Variants in GNPTAB observed in about 807,000 individuals in gnomAD.
GNPTAB encodes the protein N-acetylglucosamine-1-phosphotransferase subunits alpha/beta.
Under a neutral mutation model 136.6 loss-of-function variants are expected in GNPTAB, and 92 were observed. The observed-to-expected ratio is 0.67, with a 90% CI of 0.57 to 0.80. The LOEUF (loss-of-function observed/expected upper bound fraction) is 0.80, where lower values mean the gene tolerates loss of function less well. Among genes scored for constraint, GNPTAB ranks in the 30% least tolerant of loss-of-function variants. The probability of loss-of-function intolerance (pLI) is 0.00; values close to 1 mark genes in which losing one functional copy is unlikely to be tolerated. For synonymous variants in GNPTAB, 512 were observed against 535.1 expected (o/e 0.96, Z 0.60); for missense variants, 1,343 against 1,501.8 (o/e 0.89, Z 1.75).
At chr12:101,790,613 T>A (rs1244515976) in intron 2 of GNPTAB, among the ~76,000 whole-genome samples, 3 of 151,814 alleles carry the variant, frequency 2.0e-5, no homozygotes, top group Non-Finnish European at 4.4e-5. Context: ...AAAAAATTTT[T>A]AAAATTAGCT....
chr12:101,750,894 T>G (rs1237003906), intron 19 of GNPTAB, among the ~76,000 whole-genome samples: 1 of 152,216 alleles, frequency 6.6e-6, no homozygotes, highest in Non-Finnish European at 1.5e-5. Flanking sequence ...TTTTCTTTAT[T>G]GCCTAGGCTG....
At chr12:101,764,100 C>A in intron 13 of GNPTAB, 102 bp downstream of exon 13, 1 of 1,455,204 alleles carries the variant, frequency 6.9e-7, no homozygotes, top group Admixed American at 1.9e-5. Flanking sequence ...GTTCCATGGC[C>A]GGCACAGGGA....
chr12:101,792,058 C>G (rs1218218076), intron 2 of GNPTAB, among the ~76,000 whole-genome samples: 1 of 152,112 alleles, frequency 6.6e-6, no homozygotes, highest in South Asian at 2.1e-4. Context: ...GAAAGTAAAG[C>G]AGCAAATGGG....
At position 101,764,272 on chromosome 12, in the gene GNPTAB, T is replaced by C; in HGVS notation, c.2645A>G (p.Gln882Arg). 7.4e-6 allele frequency: 12 copies of C among 1,613,992 alleles called. No individual in the cohort carries two copies. Among genetic ancestry groups the C allele is most frequent in the Non-Finnish European group, 9.3e-6 (11 of 1,179,922 alleles). Residue 882 changes from glutamine to arginine, a missense_variant, in exon 13 of 21, where the codon CAG (glutamine) becomes CGG (arginine). Coordinates refer to ENST00000299314, the MANE Select transcript of GNPTAB (RefSeq NM_024312.5). ...GCCCAAGTAACTATCTGTGTAATGC[T>C]GCAGCTTTCTTCCAAGTAACACTTC... ...VTEVLLGRKLQHYTDSYLGFL... is the reference protein window; with the variant it reads ...VTEVLLGRKLRHYTDSYLGFL...
At chr12:101,774,477 A>G (rs1953231269) in intron 7 of GNPTAB, among the ~76,000 whole-genome samples, 1 of 152,222 alleles carries the variant, frequency 6.6e-6, no homozygotes, top group African/African-American at 2.4e-5. Context: ...ATATGTAAGT[A>G]TATATTGGAA....
intron 18 of GNPTAB, 89 bp from the exon 19 acceptor site, chr12:101,753,628 A>G: frequency 9.6e-7 from 1 of 1,040,248 alleles, no homozygotes; most frequent in South Asian, 1.3e-5. Context: ...TATATTTTAA[A>G]TGGACTTATG....
chr12:101,787,577 A>G (rs10860786), intron 4 of GNPTAB, among the ~76,000 whole-genome samples: 20,521 of 152,110 alleles, frequency 0.13, 1,837 homozygotes, highest in East Asian at 0.48. Flanking sequence ...TGTTAATATA[A>G]TTTATAAATA....
At position 101,798,230 on chromosome 12, in the gene GNPTAB, C is replaced by A. The variant is rs1869411687; in HGVS notation, c.118-1468G>T. On this transcript the variant is annotated intron_variant, in intron 1 of 20. Coordinates refer to ENST00000299314, the MANE Select transcript of GNPTAB (RefSeq NM_024312.5). ...TGGAAATGTTTTCTTGGTTTTCCCT[C>A]CTGTCGCCCTGGTGGCTCCTTTTCC... is the stretch of plus-strand genomic sequence containing the variant. 2.6e-5 allele frequency among the ~76,000 whole-genome samples: 4 copies of A among 152,318 alleles called. No homozygotes were observed. The South Asian group carries it at 8.3e-4, about 32-fold the overall frequency.
chr12:101,786,935 C>A (rs1431944851), intron 4 of GNPTAB, among the ~76,000 whole-genome samples: 1 of 152,184 alleles, frequency 6.6e-6, no homozygotes, highest in Non-Finnish European at 1.5e-5. Context: ...TCAATATTAG[C>A]ACAAGTGCAG....
chr12:101,764,069 A>AC (rs1409584242), intron 13 of GNPTAB, 133 bp downstream of exon 13: 5 of 1,149,020 alleles, frequency 4.4e-6, no homozygotes, highest in Non-Finnish European at 3.8e-6. Context: ...ATTAAATGAA[A>AC]CCATGTAAGA....
At chr12:101,781,109 T>A (rs141175430) in intron 5 of GNPTAB, among the ~76,000 whole-genome samples, 1 of 152,270 alleles carries the variant, frequency 6.6e-6, no homozygotes, top group East Asian at 1.9e-4. Flanking sequence ...AGTTTTCTCA[T>A]AATGAATCCC....
At chr12:101,800,604 C>CAAA (rs58129963) in intron 1 of GNPTAB, among the ~76,000 whole-genome samples, 6 of 74,286 alleles carry the variant, frequency 8.1e-5, no homozygotes, top group Non-Finnish European at 1.0e-4. Context: ...ACTAAAAATA[C>CAAA]AAAAAAAAAA....
Position 101,768,052 on chromosome 12 carries a change from C to T in GNPTAB, c.1393G>A (p.Gly465Ser), listed in dbSNP as rs371705651. The change falls in exon 11 of 21, where the codon GGT becomes AGT. Residue 465 changes from glycine (G) to serine (S), a missense_variant. Transcript: ENST00000299314. Reference protein sequence around the residue: ...ACNNSACDWDGGDCSGNSGGS... With the variant: ...ACNNSACDWDSGDCSGNSGGS... Reference sequence around the variant, plus strand: ...ACATCCTTACCAGAGCAATCCCCACCATCCCAATCGCAGGCTGAATTATTA... The same window carrying T: ...ACATCCTTACCAGAGCAATCCCCACTATCCCAATCGCAGGCTGAATTATTA... 13 of 1,614,012 alleles carry T rather than the reference C, an allele frequency of 8.1e-6. No homozygotes were observed. In the African/African-American group the frequency reaches 1.5e-4, roughly 18 times the overall value.
intron 1 of GNPTAB, among the ~76,000 whole-genome samples, chr12:101,827,392 C>T (rs553577967): frequency 1.3e-5 from 2 of 152,186 alleles, no homozygotes; most frequent in African/African-American, 4.8e-5. Flanking sequence ...TGAGCCACCA[C>T]GCCCAGCCTT....
chr12:101,770,829 G>C (rs994923992), intron 8 of GNPTAB, among the ~76,000 whole-genome samples, 167 bp downstream of exon 8: 9 of 152,152 alleles, frequency 5.9e-5, no homozygotes, highest in African/African-American at 2.2e-4. Flanking sequence ...TCTGATTCTA[G>C]GTGACTTCAG....
rs1953000959 is a variant in GNPTAB at position 101,761,754 on chromosome 12, A to C, written c.2725T>G (p.Ser909Ala). ...YFQDLLDEEE[S>A]LKTQLAYFTD... is the part of the protein sequence containing the mutation. The stretch of plus-strand genomic sequence containing the variant: ...AAGTATGCCAATTGTGTCTTCAATG[A>C]CTCTTCTTCCTGAAAAGAGAATTCT... The change falls in exon 14 of 21, where the codon TCA becomes GCA. Residue 909 changes from serine to alanine, a missense_variant. Ser to Ala is a moderately conservative substitution (Grantham distance 99). Coordinates refer to ENST00000299314, the MANE Select transcript of GNPTAB (RefSeq NM_024312.5). The C allele has an allele frequency of 1.9e-6, 3 of 1,611,208 alleles. No individual in the cohort carries two copies. Among genetic ancestry groups the C allele is most frequent in the Non-Finnish European group, 2.5e-6 (3 of 1,177,690 alleles).
chr12:101,774,699 G>T (rs892880537), intron 7 of GNPTAB, among the ~76,000 whole-genome samples: 2 of 152,138 alleles, frequency 1.3e-5, no homozygotes, highest in African/African-American at 4.8e-5. Flanking sequence ...AATACATAGA[G>T]CCACTTTAAG....
At chr12:101,811,225 C>T (rs990336894) in intron 1 of GNPTAB, among the ~76,000 whole-genome samples, 5 of 152,134 alleles carry the variant, frequency 3.3e-5, no homozygotes, top group African/African-American at 1.2e-4. Context: ...ATAGTAACAT[C>T]TTAGACTTTG....
intron 1 of GNPTAB, among the ~76,000 whole-genome samples, chr12:101,804,104 G>T (rs1181645650): frequency 6.6e-6 from 1 of 152,004 alleles, no homozygotes; most frequent in Non-Finnish European, 1.5e-5. Flanking sequence ...AGCCAAGCCT[G>T]GTAGCACTCA....
Sources: allele counts gnomAD v4.1 joint callset (sites outside exome capture counted in the v4.1 genomes callset), GRCh38; gene constraint gnomAD v4.1.1; transcripts MANE v1.5; gene names NCBI Gene and HGNC (gene_info 2026-07-23, HGNC 2026-07-21).